Variants in LHX4 observed in about 807,000 individuals in gnomAD.
The protein encoded by LHX4 is LIM/homeobox protein Lhx4.
Under a neutral mutation model 39.2 loss-of-function variants are expected in LHX4, and 16 were observed. The ratio of observed to expected loss-of-function variants is 0.41; its 90% CI spans 0.28 to 0.62. LHX4 has a LOEUF of 0.62. Ranked by LOEUF, LHX4 falls within the 20% of genes least tolerant of loss-of-function variation. The pLI, the probability that LHX4 is intolerant of heterozygous loss-of-function variation, is 0.33. For missense variants in LHX4, 439 were observed against 511.9 expected, an observed-to-expected ratio of 0.86 and a Z score of 1.37; for synonymous variants, 206 against 198.1, an observed-to-expected ratio of 1.04 and a Z score of -0.33.
intron 3 of LHX4, chr1:180,269,655 T>A (rs1275093319): frequency 1.3e-5 from 2 of 152,218 alleles, no homozygotes; most frequent in Non-Finnish European, 2.9e-5. Flanking sequence ...TTAAAACATT[T>A]TTGGTGATTG....
rs1647473265 is a variant in LHX4 at position 180,248,462 on chromosome 1, T to C, written c.248+6T>C. ...TGCAAGGAGGACTTCTTCAAGTAAG[T>C]CAGAACGGTCCGTCTCGTGGCCCTG... On this transcript the variant is annotated splice_donor_region_variant and intron_variant, in intron 2 of 5. Transcript: ENST00000263726. The C allele has an allele frequency of 1.2e-6, 2 of 1,613,812 alleles. No homozygotes were observed. Among genetic ancestry groups the C allele is most frequent in the Non-Finnish European group, 1.7e-6 (2 of 1,180,012 alleles).
intron 2 of LHX4, among the ~76,000 whole-genome samples, chr1:180,250,351 G>A (rs930831510): frequency 2.8e-4 from 15 of 52,704 alleles, no homozygotes; most frequent in Admixed American, 2.2e-3. Context: ...GTGTGTGTGC[G>A]CGCGTGGGTT....
intron 2 of LHX4, among the ~76,000 whole-genome samples, chr1:180,264,700 A>G (rs918449421): frequency 5.3e-5 from 8 of 152,132 alleles, no homozygotes; most frequent in African/African-American, 1.9e-4. Context: ...CTGAGGCACA[A>G]TTTTGAACAA....
At chr1:180,244,830 C>T (rs1432723030) in intron 1 of LHX4, among the ~76,000 whole-genome samples, 1 of 152,222 alleles carries the variant, frequency 6.6e-6, no homozygotes, top group Non-Finnish European at 1.5e-5. Flanking sequence ...CCTGGGAGTC[C>T]AGCTCCTGGA....
chr1:180,273,573 C>A (rs1455394892), intron 5 of LHX4: 1 of 152,464 alleles, frequency 6.6e-6, no homozygotes, highest in South Asian at 2.1e-4. Flanking sequence ...TAATGAAATT[C>A]TTTAAGAAAA....
chr1:180,229,404 C>T (rs1003405631), upstream of LHX4, among the ~76,000 whole-genome samples: 10 of 152,224 alleles, frequency 6.6e-5, no homozygotes, highest in East Asian at 1.2e-3. Flanking sequence ...GGCTGCAGGC[C>T]GCGGTCTGCG....
intron 2 of LHX4, among the ~76,000 whole-genome samples, chr1:180,253,182 G>A (rs987503976): frequency 1.3e-5 from 2 of 152,146 alleles, no homozygotes; most frequent in African/African-American, 4.8e-5. Context: ...TCCTCGTGTC[G>A]CATTTGCTAA....
At chr1:180,254,294 G>C (rs1190469109) in intron 2 of LHX4, among the ~76,000 whole-genome samples, 1 of 152,238 alleles carries the variant, frequency 6.6e-6, no homozygotes, top group Non-Finnish European at 1.5e-5. Context: ...GGGTGCGCCA[G>C]AGGCTCCCGG....
intron 2 of LHX4, among the ~76,000 whole-genome samples, chr1:180,262,782 T>A (rs1297635262): frequency 6.6e-6 from 1 of 152,192 alleles, no homozygotes; most frequent in Non-Finnish European, 1.5e-5. Flanking sequence ...GTTCGTTCAC[T>A]CATTCGTTTG....
At chr1:180,251,373 A>C (rs1284277166) in intron 2 of LHX4, among the ~76,000 whole-genome samples, 2 of 152,140 alleles carry the variant, frequency 1.3e-5, no homozygotes, top group African/African-American at 4.8e-5. Flanking sequence ...CCATCCTTCC[A>C]GGGTCCTCAG....
rs1283962124 is a variant in LHX4, at chr1:180,234,685, G to T, written c.76+4080G>T. ...CAGGTGCAGCAGGTGAGGGGCAAAG[G>T]TCTGCATTGAGCAGTCCGCAGTGTC... On this transcript the variant is annotated intron_variant, in intron 1 of 5. Transcript: ENST00000263726. This position sits in a 1 kb window ranked among gnomAD's most constrained non-coding sequence, Gnocchi z 4.8. Among the ~76,000 whole-genome samples, 5 of 152,270 alleles carry T rather than the reference G, an allele frequency of 3.3e-5. No homozygotes were observed. Among genetic ancestry groups the T allele is most frequent in the African/African-American group, 1.2e-4 (5 of 41,474 alleles).
chr1:180,274,400 T>C lies in LHX4; in HGVS notation c.994T>C (p.Tyr332His). 6.2e-7 allele frequency: 1 copy of C among 1,614,214 alleles called. No individual in the cohort carries two copies. Among genetic ancestry groups the C allele is most frequent in the Non-Finnish European group, 8.5e-7 (1 of 1,180,044 alleles). Reference protein sequence around the residue: ...SHAPLLNGLDYTVDSNLGIIA... With the variant: ...SHAPLLNGLDHTVDSNLGIIA... ...CGCTCCTTTGCTCAATGGGCTGGAT[T>C]ACACGGTGGACAGTAATTTGGGCAT... The change falls in exon 6 of 6, where the codon TAC becomes CAC. Residue 332 changes from tyrosine (Y) to histidine (H), a missense_variant. Tyr to His is a moderately conservative substitution (Grantham distance 83). Transcript: ENST00000263726.
rs34583869 is a variant in LHX4 at position 180,277,878 on chromosome 1, G to GC, written c.*3299_*3300insC. On this transcript the variant is annotated 3_prime_UTR_variant, in exon 6 of 6. Coordinates refer to ENST00000263726, the MANE Select transcript of LHX4 (RefSeq NM_033343.4). Reference sequence around the variant, plus strand: ...TTGGCAGTGTCCTTAAACTTTTTTTGGGGGGGGGCAGTGTAAAACATGAAA... The same window carrying GC: ...TTGGCAGTGTCCTTAAACTTTTTTTGCGGGGGGGGCAGTGTAAAACATGAAA... The GC allele has an allele frequency of 4.2e-4, 4 of 9,470 alleles. No individual in the cohort carries two copies. In the South Asian group the frequency reaches 0.019, roughly 46 times the overall value. The allele number at this position is 9,470 out of a possible 1,614,324, so 0.6% of individuals were successfully genotyped here.
intron 1 of LHX4, among the ~76,000 whole-genome samples, chr1:180,239,970 G>A (rs970527808): frequency 6.6e-6 from 1 of 151,820 alleles, no homozygotes; most frequent in Non-Finnish European, 1.5e-5. Flanking sequence ...TGGCTCCCAT[G>A]GACCCAGCTC....
chr1:180,258,258 C>A (rs751866566), intron 2 of LHX4, among the ~76,000 whole-genome samples: 1 of 152,166 alleles, frequency 6.6e-6, no homozygotes, highest in Non-Finnish European at 1.5e-5. Flanking sequence ...GGTGACATTT[C>A]AGGGGACCAC....
chr1:180,230,286 A>C lies in LHX4; in HGVS notation c.-244A>C. ...GCCAGAGCTGCAGCAACAGCGTCTC[A>C]ACCTGGGATGTGCACCAACCCCGGA... On this transcript the variant is annotated 5_prime_UTR_variant, in exon 1 of 6. Transcript: ENST00000263726. This position sits in a 1 kb window ranked among gnomAD's most constrained non-coding sequence, Gnocchi z 5.8. 1.7e-6 allele frequency: 1 copy of C among 579,480 alleles called. No homozygotes were observed. Among genetic ancestry groups the C allele is most frequent in the South Asian group, 2.0e-5 (1 of 50,164 alleles). The allele number at this position is 579,480 out of a possible 1,614,324, so 35.9% of individuals were successfully genotyped here.
chr1:180,235,170 TC>T (rs1356510351), intron 1 of LHX4, among the ~76,000 whole-genome samples: 1 of 152,218 alleles, frequency 6.6e-6, no homozygotes, highest in African/African-American at 2.4e-5. Flanking sequence ...GGACCGCCTC[TC>T]TCTCCCCGGT....
In LHX4 at chr1:180,258,047, C is replaced by T. The variant is rs138437382; in HGVS notation, c.249-8345C>T. On this transcript the variant is annotated intron_variant, in intron 2 of 5. Coordinates refer to ENST00000263726, the MANE Select transcript of LHX4 (RefSeq NM_033343.4). ...CATCATACATGCACTGAGCACATAT[C>T]GTCAGCCAGGTCCTGCTCTGGGTGC... Among the ~76,000 whole-genome samples, 337 of 152,360 alleles carry T rather than the reference C, an allele frequency of 2.2e-3. 1 individual carries two copies. Among genetic ancestry groups the T allele is most frequent in the Non-Finnish European group, 3.5e-3 (236 of 68,042 alleles).
chr1:180,274,801 G>A lies in LHX4; in HGVS notation c.*222G>A, dbSNP rs148288621. On this transcript the variant is annotated 3_prime_UTR_variant, in exon 6 of 6. Coordinates refer to ENST00000263726, the MANE Select transcript of LHX4 (RefSeq NM_033343.4). ...AGACTCATCTCAGAACACAGCACAG[G>A]GGGTAATGGCCTAGAGCTCTAGGGA... The A allele has an allele frequency of 3.6e-6, 2 of 551,468 alleles. No individual in the cohort carries two copies. Among genetic ancestry groups the A allele is most frequent in the Non-Finnish European group, 6.3e-6 (2 of 315,516 alleles). The allele number at this position is 551,468 out of a possible 1,614,324, so 34.2% of individuals were successfully genotyped here.
Sources: allele counts gnomAD v4.1 joint callset (sites outside exome capture counted in the v4.1 genomes callset), GRCh38; gene constraint gnomAD v4.1.1; non-coding constraint Gnocchi (gnomAD v3.1); transcripts MANE v1.5; gene names NCBI Gene and HGNC (gene_info 2026-07-23, HGNC 2026-07-21).